DNAH1: variants seen among roughly 807,000 people sequenced by gnomAD.
DNAH1 encodes dynein axonemal heavy chain 1.
In DNAH1, 327 loss-of-function variants were observed where a neutral mutation model predicts 484.3. That is an observed-to-expected ratio of 0.68 (90% CI 0.62 to 0.74). The LOEUF is 0.74. Ranked by LOEUF, DNAH1 falls within the 30% of genes least tolerant of loss-of-function variation. The probability of loss-of-function intolerance (pLI) is 0.00; values close to 1 mark genes in which losing one functional copy is unlikely to be tolerated. For missense variants in DNAH1, 5,052 were observed against 5,546.8 expected, an observed-to-expected ratio of 0.91 and a Z score of 2.83; for synonymous variants, 2,192 against 2,191.9, an observed-to-expected ratio of 1.00 and a Z score of 0.00.
intron 46 of DNAH1, 144 bp from the exon 47 acceptor site, chr3:52,378,458 A>G: frequency 1.2e-6 from 1 of 848,618 alleles, no homozygotes; most frequent in Non-Finnish European, 1.9e-6. Context: ...GATGGGGCCA[A>G]AGGGTACGTG....
chr3:52,323,660 T>A, intron 2 of DNAH1, 148 bp from the exon 3 acceptor site: 1 of 594,812 alleles, frequency 1.7e-6, no homozygotes, highest in Non-Finnish European at 3.1e-6. Flanking sequence ...CGGGGAATTG[T>A]GCATACTCAC....
At position 52,352,553 on chromosome 3, in the gene DNAH1, T is replaced by C; in HGVS notation, c.2873T>C (p.Leu958Pro). Residue 958 changes from leucine to proline, a missense_variant and splice_region_variant, in exon 18 of 78, where the codon CTG becomes CCG. Transcript: ENST00000420323. ...GACCCATTGCTCCTTGGCCTGCAGC[T>C]GGTAGTAGCTGGCTTCTCCATCCAT... is the stretch of plus-strand genomic sequence containing the variant. ...NFQEKLEGLQLVVAGFSIHVE... is the reference protein window; with the variant it reads ...NFQEKLEGLQPVVAGFSIHVE... The C allele has an allele frequency of 1.2e-6, 2 of 1,607,380 alleles. No homozygotes were observed. Among genetic ancestry groups the C allele is most frequent in the Non-Finnish European group, 1.7e-6 (2 of 1,174,930 alleles).
Position 52,331,237 on chromosome 3 carries a change from A to G in DNAH1, c.961A>G (p.Lys321Glu), listed in dbSNP as rs765540817. ...GGAGAAGAAGCTATACCTGGTACAC[A>G]AGACAGACGAGAAAGGCCTGGTGCG... ...DEEKKLYLVH[K>E]TDEKGLVRDE... The change falls in exon 7 of 78, where the codon AAG (lysine) becomes GAG (glutamate). Residue 321 changes from lysine (K) to glutamate (E), a missense_variant. Physicochemically the swap from Lys to Glu is moderately conservative, Grantham distance 56 (BLOSUM62 1). Coordinates refer to ENST00000420323, the MANE Select transcript of DNAH1 (RefSeq NM_015512.5). The G allele has an allele frequency of 7.4e-6, 12 of 1,611,416 alleles. No individual in the cohort carries two copies. In the South Asian group the frequency reaches 1.0e-4, roughly 13 times the overall value.
chr3:52,342,110 G>A (rs1466710048), intron 8 of DNAH1, among the ~76,000 whole-genome samples: 1 of 152,264 alleles, frequency 6.6e-6, no homozygotes, highest in Non-Finnish European at 1.5e-5. Flanking sequence ...GAGGTCTAAA[G>A]TAAGGGAAGA....
At chr3:52,386,639 C>G (rs1291433604) in intron 55 of DNAH1, 23 bp from the exon 56 acceptor site, 2 of 1,540,584 alleles carry the variant, frequency 1.3e-6, no homozygotes, top group Non-Finnish European at 1.8e-6. Flanking sequence ...TGAGTCTTCC[C>G]CACTTGGTGG....
rs1189340666 is a variant in DNAH1, at chr3:52,357,740, G to A, written c.3980+5G>A. 10 of 1,574,320 alleles carry A rather than the reference G, an allele frequency of 6.4e-6. No homozygotes were observed. The highest frequency in any genetic ancestry group is 3.3e-4 in the Middle Eastern group (2 of 6,022). On this transcript the variant is annotated splice_donor_5th_base_variant and intron_variant, in intron 23 of 77. Coordinates refer to ENST00000420323, the MANE Select transcript of DNAH1 (RefSeq NM_015512.5). ...CAAGAGGAGCGCCTTCCCCAGGTGGGCGCCACCTGGCCATGCCCACTCCGC... is the reference window on the plus strand; with the variant it reads ...CAAGAGGAGCGCCTTCCCCAGGTGGACGCCACCTGGCCATGCCCACTCCGC...
Position 52,361,881 on chromosome 3 carries a change from T to C in DNAH1, c.4980+115T>C. On this transcript the variant is annotated intron_variant, in intron 30 of 77. Coordinates refer to ENST00000420323, the MANE Select transcript of DNAH1 (RefSeq NM_015512.5). The surrounding 1 kb of genome is among the most constrained non-coding windows in gnomAD (Gnocchi z 5.6). ...TAAGGTCCACCCTGGGTCCAGCCTC[T>C]CTTGTCCCGGGGGCACACCCTAACC... is the stretch of plus-strand genomic sequence containing the variant. 1 of 1,153,322 alleles carries C rather than the reference T, an allele frequency of 8.7e-7. No individual in the cohort carries two copies. Among genetic ancestry groups the C allele is most frequent in the South Asian group, 1.5e-5 (1 of 67,818 alleles). 71.4% of individuals were successfully genotyped at this position (1,153,322 alleles called of 1,614,324 possible). A position where few individuals can be genotyped will look rare whatever the true frequency, so the allele number is the denominator to read the frequency against.
At chr3:52,322,278 CCTT>C in intron 1 of DNAH1, 128 bp from the exon 2 acceptor site, 3 of 629,230 alleles carry the variant, frequency 4.8e-6, no homozygotes, top group South Asian at 2.1e-5. Context: ...ACCACTCCCT[CCTT>C]CTTGCTCTTC....
chr3:52,354,208 A>G (rs777203654), intron 20 of DNAH1, among the ~76,000 whole-genome samples: 5 of 152,168 alleles, frequency 3.3e-5, no homozygotes, highest in Non-Finnish European at 7.3e-5. Context: ...AGATAAATCA[A>G]TTAAGGCTCA....
Position 52,394,896 on chromosome 3 carries a change from G to A in DNAH1, c.10824-19G>A. 11 of 1,611,666 alleles carry A rather than the reference G, an allele frequency of 6.8e-6. No homozygotes were observed. Among genetic ancestry groups the A allele is most frequent in the Non-Finnish European group, 9.3e-6 (11 of 1,178,640 alleles). Reference sequence around the variant, plus strand: ...TTCCAACAGGCTGGCTCTCAGGGAGGTGTGGGCCACTGTTGCAGGGAGCCT... The same window carrying A: ...TTCCAACAGGCTGGCTCTCAGGGAGATGTGGGCCACTGTTGCAGGGAGCCT... On this transcript the variant is annotated intron_variant, in intron 67 of 77. Transcript: ENST00000420323.
chr3:52,390,784 G>A, intron 60 of DNAH1, 151 bp from the exon 61 acceptor site: 1 of 1,198,184 alleles, frequency 8.3e-7, no homozygotes, highest in Non-Finnish European at 1.2e-6. Context: ...GTGAGGCATT[G>A]CCTACATTGT....
At position 52,375,240 on chromosome 3, in the gene DNAH1, G is replaced by A; in HGVS notation, c.6986G>A (p.Gly2329Asp). 6.2e-7 allele frequency: 1 copy of A among 1,601,384 alleles called. No homozygotes were observed. ...HGGWYDRKII[G>D]AFKNLVDINF... The stretch of plus-strand genomic sequence containing the variant: ...TCCTGACTTCCTGCCCCTACTCCAG[G>A]TGCCTTCAAGAACCTAGTGGACATC... The change falls in exon 45 of 78, where the codon GGT becomes GAT. Residue 2329 changes from glycine (G) to aspartate (D), a missense_variant and splice_region_variant. Coordinates refer to ENST00000420323, the MANE Select transcript of DNAH1 (RefSeq NM_015512.5).
In DNAH1 at chr3:52,346,472, G is replaced by T. The variant is rs1220412591; in HGVS notation, c.1657G>T (p.Val553Leu). ...ATGATGATGCCTGTGGCCACTCTAG[G>T]TGCAGATGTTCCTCAAGGACAGCTG... ...EQIQSQTFSQ[V>L]QMFLKDSWIS... is the part of the protein sequence containing the mutation. Residue 553 changes from valine to leucine, a missense_variant and splice_region_variant, in exon 11 of 78, where the codon GTG becomes TTG. This residue lies in a region of DNAH1 where 1,263 missense variants were observed against 1,218.8 expected (regional missense o/e 1.04). Coordinates refer to ENST00000420323, the MANE Select transcript of DNAH1 (RefSeq NM_015512.5). 3 of 1,607,634 alleles carry T rather than the reference G, an allele frequency of 1.9e-6. No individual in the cohort carries two copies. The highest frequency in any genetic ancestry group is 2.5e-6 in the Non-Finnish European group (3 of 1,176,728).
intron 4 of DNAH1, 89 bp from the exon 5 acceptor site, chr3:52,326,646 C>A: frequency 2.0e-6 from 3 of 1,478,496 alleles, no homozygotes; most frequent in African/African-American, 2.8e-5. Context: ...CACCCCTGTC[C>A]CCACAACCCC....
chr3:52,359,562 G>A (rs752549220), intron 26 of DNAH1, among the ~76,000 whole-genome samples, 176 bp downstream of exon 26: 3 of 152,174 alleles, frequency 2.0e-5, no homozygotes, highest in Admixed American at 6.5e-5. Flanking sequence ...CAGGAAGGAC[G>A]GGCCTGAGGC....
In DNAH1 at chr3:52,398,873, TCACA is replaced by T. The variant is rs1436330627; in HGVS notation, c.12116_12119del (p.Thr4039ArgfsTer14). On this transcript the variant is annotated frameshift_variant, in exon 76 of 78. Coordinates refer to ENST00000420323, the MANE Select transcript of DNAH1 (RefSeq NM_015512.5). LOFTEE classifies it high-confidence loss of function. The stretch of plus-strand genomic sequence containing the variant: ...AGGTACAATCGGCTGCTGCAGGTGA[TCACA>T]CAGACACTGCAAGACCTACTCAAGG... 6.4e-7 allele frequency: 1 copy of T among 1,560,292 alleles called. No homozygotes were observed. The highest frequency in any genetic ancestry group is 8.7e-7 in the Non-Finnish European group (1 of 1,149,802).
At chr3:52,371,329 A>G (rs559366287) in intron 41 of DNAH1, among the ~76,000 whole-genome samples, 1 of 152,344 alleles carries the variant, frequency 6.6e-6, no homozygotes, top group Admixed American at 6.5e-5. Context: ...AGACCTGTCC[A>G]TTACTGTGCA....
intron 71 of DNAH1, 25 bp from the exon 72 acceptor site, chr3:52,396,593 C>T: frequency 1.2e-6 from 2 of 1,610,982 alleles, no homozygotes. Flanking sequence ...CGCTCCTCAC[C>T]TCCCCTGCCT....
chr3:52,337,002 C>A (rs1321722009), intron 8 of DNAH1, among the ~76,000 whole-genome samples: 2 of 152,288 alleles, frequency 1.3e-5, no homozygotes, highest in East Asian at 1.9e-4. Flanking sequence ...TGTGTTGAAT[C>A]TGTAGATTGC....
Sources: allele counts gnomAD v4.1 joint callset (sites outside exome capture counted in the v4.1 genomes callset), GRCh38; gene constraint gnomAD v4.1.1; regional missense constraint gnomAD v4.1.1; non-coding constraint Gnocchi (gnomAD v3.1); transcripts MANE v1.5; gene names NCBI Gene and HGNC (gene_info 2026-07-23, HGNC 2026-07-21).